RRP1: variants seen among roughly 807,000 people sequenced by gnomAD.
RRP1 encodes ribosomal RNA processing protein 1 homolog A.
A neutral mutation model predicts 54.6 loss-of-function variants in RRP1; 37 were observed. The observed-to-expected ratio is 0.68, with a 90% CI of 0.52 to 0.89. The LOEUF is 0.89. Among genes scored for constraint, RRP1 ranks in the 40% least tolerant of loss-of-function variants. The probability of loss-of-function intolerance (pLI) is 0.00; values close to 1 mark genes in which losing one functional copy is unlikely to be tolerated. For synonymous variants in RRP1, 262 were observed against 244.3 expected, an observed-to-expected ratio of 1.07 and a Z score of -0.67; for missense variants, 639 against 612.5, an observed-to-expected ratio of 1.04 and a Z score of -0.46.
Position 43,789,775 on chromosome 21 carries a change from G to A in RRP1, c.133+13G>A, listed in dbSNP as rs1219520619. 7.3e-6 allele frequency: 11 copies of A among 1,507,826 alleles called. No individual in the cohort carries two copies. Among genetic ancestry groups the A allele is most frequent in the Non-Finnish European group, 9.8e-6 (11 of 1,126,296 alleles). The allele number at this position is 1,507,826 out of a possible 1,614,324, so 93.4% of individuals were successfully genotyped here. A position where few individuals can be genotyped will look rare whatever the true frequency, so the allele number is the denominator to read the frequency against. On this transcript the variant is annotated intron_variant, in intron 1 of 12. Transcript: ENST00000497547. ...CAGCGGGCCGCAGGTTGGCGGGGGT[G>A]TGGGCGGCTGGCGTCTCGGGGGCCG...
At position 43,797,773 on chromosome 21, in the gene RRP1, T is replaced by C. The variant is rs1020683378; in HGVS notation, c.617+78T>C. On this transcript the variant is annotated intron_variant, in intron 7 of 12. Transcript: ENST00000497547. ...GGGGCTGCTGTTGTGGGGGTGCTGCTCCCTCGAGGGATGAATCTGTCTCAG... is the reference window on the plus strand; with the variant it reads ...GGGGCTGCTGTTGTGGGGGTGCTGCCCCCTCGAGGGATGAATCTGTCTCAG... 40 of 1,583,188 alleles carry C rather than the reference T, an allele frequency of 2.5e-5. No individual in the cohort carries two copies. The African/African-American group carries it at 5.3e-4, about 21-fold the overall frequency.
intron 8 of RRP1, among the ~76,000 whole-genome samples, chr21:43,798,968 G>T (rs2085053766): frequency 7.7e-6 from 1 of 130,008 alleles, no homozygotes; most frequent in African/African-American, 3.0e-5. Context: ...TCTCTGCCTT[G>T]CCCTTCTCTC....
intron 3 of RRP1, 28 bp downstream of exon 3, chr21:43,792,757 C>T (rs1331347251): frequency 6.2e-7 from 1 of 1,611,652 alleles, no homozygotes; most frequent in Non-Finnish European, 8.5e-7. Flanking sequence ...TAGTTGGGTG[C>T]ATTTGTAGAT....
chr21:43,803,781 C>T lies in RRP1; in HGVS notation c.*7C>T, dbSNP rs776921050. On this transcript the variant is annotated 3_prime_UTR_variant, in exon 13 of 13. Transcript: ENST00000497547. ...GAAGAAACGCAGGGAGTGATGTGGC[C>T]GGGCCAAGGACAGGCAGGGAGGGAG... is the stretch of plus-strand genomic sequence containing the variant. The T allele has an allele frequency of 1.0e-5, 16 of 1,569,860 alleles. No homozygotes were observed. The South Asian group carries it at 1.4e-4, about 14-fold the overall frequency.
Position 43,803,829 on chromosome 21 carries a change from G to A in RRP1, c.*55G>A. The stretch of plus-strand genomic sequence containing the variant: ...GAGGCCAGGCCTCGCTTGCACCGCG[G>A]GACGAGGCTGACCGGGCTGTTCTGT... On this transcript the variant is annotated 3_prime_UTR_variant, in exon 13 of 13. Coordinates refer to ENST00000497547, the MANE Select transcript of RRP1 (RefSeq NM_003683.6). 2.0e-6 allele frequency: 3 copies of A among 1,494,104 alleles called. No homozygotes were observed. In the Admixed American group the frequency reaches 6.6e-5, roughly 33 times the overall value. 92.6% of individuals were successfully genotyped at this position (1,494,104 alleles called of 1,614,324 possible).
In RRP1 at chr21:43,800,847, G is replaced by C; in HGVS notation, c.990-15G>C. 1.2e-6 allele frequency: 2 copies of C among 1,613,550 alleles called. No homozygotes were observed. The highest frequency in any genetic ancestry group is 1.3e-5 in the African/African-American group (1 of 75,066). ...CCGCAGCTGTGGTAAGTGGGTATCT[G>C]TCTTACTCTTTCAGGCTGCAGGACC... On this transcript the variant is annotated splice_polypyrimidine_tract_variant and intron_variant, in intron 10 of 12. Coordinates refer to ENST00000497547, the MANE Select transcript of RRP1 (RefSeq NM_003683.6).
At position 43,789,662 on chromosome 21, in the gene RRP1, C is replaced by T; in HGVS notation, c.33C>T (p.Ile11=). The T allele has an allele frequency of 6.3e-7, 1 of 1,579,716 alleles. No individual in the cohort carries two copies. The highest frequency in any genetic ancestry group is 8.6e-7 in the Non-Finnish European group (1 of 1,164,364). Residue 11 remains isoleucine, a synonymous_variant, in exon 1 of 13, where the codon ATC becomes ATT. Transcript: ENST00000497547. MVSRVQLPPE[I]QLAQRLAGNE... ...CGCGCGTGCAGCTCCCGCCTGAGAT[C>T]CAGCTGGCTCAGCGCCTGGCGGGGA...
intron 4 of RRP1, among the ~76,000 whole-genome samples, chr21:43,794,572 C>T (rs1285819721): frequency 6.6e-6 from 1 of 152,208 alleles, no homozygotes; most frequent in Non-Finnish European, 1.5e-5. Flanking sequence ...CTGCTACTGA[C>T]TGCAGCTCAG....
chr21:43,798,667 T>TGA (rs1402055357), intron 8 of RRP1, among the ~76,000 whole-genome samples: 1 of 151,822 alleles, frequency 6.6e-6, no homozygotes, highest in East Asian at 1.9e-4. Flanking sequence ...GAGGGGCAGG[T>TGA]GTACTCACCT....
chr21:43,791,230 A>G, intron 1 of RRP1, 120 bp from the exon 2 acceptor site: 1 of 989,584 alleles, frequency 1.0e-6, no homozygotes. Flanking sequence ...TCTGCCCCCC[A>G]GTTGCCTTTA....
intron 4 of RRP1, among the ~76,000 whole-genome samples, chr21:43,794,807 G>A (rs1292136599): frequency 6.6e-6 from 1 of 152,222 alleles, no homozygotes; most frequent in Non-Finnish European, 1.5e-5. Context: ...TTTTGCGGAG[G>A]GCTCCACCGC....
chr21:43,799,729 G>A (rs930862862), intron 9 of RRP1, 80 bp downstream of exon 9: 20 of 1,332,070 alleles, frequency 1.5e-5, no homozygotes, highest in Non-Finnish European at 1.9e-5. Context: ...GGAGGGGGGC[G>A]TTAGGAGGGA....
intron 3 of RRP1, 163 bp from the exon 4 acceptor site, chr21:43,793,156 C>G (rs1368846774): frequency 9.1e-6 from 6 of 657,876 alleles, no homozygotes; most frequent in Non-Finnish European, 1.6e-5. Flanking sequence ...ATCCTCATGT[C>G]CAGATCCTGG....
At chr21:43,794,434 G>A (rs540227137) in intron 4 of RRP1, among the ~76,000 whole-genome samples, 8 of 152,296 alleles carry the variant, frequency 5.3e-5, no homozygotes, top group African/African-American at 1.9e-4. Flanking sequence ...ACAGCCTTGC[G>A]TCAGGGCTAG....
At chr21:43,793,988 G>A (rs1333355356) in intron 4 of RRP1, among the ~76,000 whole-genome samples, 1 of 152,154 alleles carries the variant, frequency 6.6e-6, no homozygotes, top group Non-Finnish European at 1.5e-5. Flanking sequence ...TTACTAAGGT[G>A]GTGGTCATTG....
intron 1 of RRP1, chr21:43,791,100 C>A (rs1397986020): frequency 1.7e-6 from 1 of 598,608 alleles, no homozygotes; most frequent in African/African-American, 1.8e-5. Flanking sequence ...GTGCCTGATA[C>A]CTTGTAGATC....
At chr21:43,797,234 C>CT in intron 5 of RRP1, 188 bp from the exon 6 acceptor site, 1 of 908,772 alleles carries the variant, frequency 1.1e-6, no homozygotes, top group Non-Finnish European at 1.6e-6. Context: ...GCAAGACTGC[C>CT]TTGCGCTGGA....
At chr21:43,801,211 G>A (rs749056950) in intron 11 of RRP1, among the ~76,000 whole-genome samples, 16 of 152,156 alleles carry the variant, frequency 1.1e-4, no homozygotes, top group Non-Finnish European at 1.9e-4. Flanking sequence ...AGCGCGTGGC[G>A]GATGGAACTG....
chr21:43,801,807 T>G (rs1461137811), intron 11 of RRP1, among the ~76,000 whole-genome samples: 2 of 152,196 alleles, frequency 1.3e-5, no homozygotes, highest in Non-Finnish European at 2.9e-5. Flanking sequence ...GGCTGTAGAC[T>G]TTGGTGTACA....
Sources: gnomAD v4.1 joint callset for allele counts (sites outside exome capture counted in the v4.1 genomes callset) on GRCh38, gnomAD v4.1.1 for gene constraint, MANE v1.5 for transcripts, NCBI Gene and HGNC (gene_info 2026-07-23, HGNC 2026-07-21) for gene names.